Variants in MBD5 observed in about 807,000 individuals in gnomAD.
MBD5 encodes methyl-CpG binding domain protein 5.
Under a neutral mutation model 117.3 loss-of-function variants are expected in MBD5, and 13 were observed. That is an observed-to-expected ratio of 0.11 (90% CI 0.07 to 0.18). The LOEUF (loss-of-function observed/expected upper bound fraction) is 0.18. Ranked by LOEUF, MBD5 falls within the 10% of genes least tolerant of loss-of-function variation. The pLI is 1.00. For synonymous variants in MBD5, 727 were observed against 766.4 expected, an observed-to-expected ratio of 0.95 and a Z score of 0.85; for missense variants, 1,879 against 2,093.8, an observed-to-expected ratio of 0.90 and a Z score of 2.00.
At chr2:148,050,365 T>C (rs1004753810) in intron 1 of MBD5, among the ~76,000 whole-genome samples, 1 of 152,214 alleles carries the variant, frequency 6.6e-6, no homozygotes, top group Non-Finnish European at 1.5e-5. Flanking sequence ...TTTTCCATTT[T>C]AGAGAAATGA....
intron 1 of MBD5, among the ~76,000 whole-genome samples, chr2:148,140,523 C>T (rs1403425046): frequency 2.0e-5 from 3 of 152,130 alleles, no homozygotes; most frequent in African/African-American, 7.2e-5. Flanking sequence ...TACTCAAATA[C>T]TGTTTCTTAT....
chr2:148,484,081 A>T lies in MBD5; in HGVS notation c.3490A>T (p.Ser1164Cys), dbSNP rs1162717173. 21 of 1,544,716 alleles carry T rather than the reference A, an allele frequency of 1.4e-5. No individual in the cohort carries two copies. Among genetic ancestry groups the T allele is most frequent in the East Asian group, 7.3e-5 (3 of 40,916 alleles). ...TACACCTGGTCCAGCTAAACTCAACAGTAACTCTGTGGTGCCACAGCTACT... is the reference window on the plus strand; with the variant it reads ...TACACCTGGTCCAGCTAAACTCAACTGTAACTCTGTGGTGCCACAGCTACT... ...GNTPGPAKLN[S>C]NSVVPQLLNP... The change falls in exon 9 of 14, where the codon AGT becomes TGT. Residue 1164 changes from serine to cysteine, a missense_variant. By Grantham distance (112) the Ser-to-Cys change is moderately radical. Around this residue, in one of 4 missense-constraint regions of MBD5, gnomAD observed 1,666 missense variants for 1,792.2 expected, o/e 0.93. Transcript: ENST00000642680.
At chr2:148,384,798 A>G (rs1574362881) in intron 4 of MBD5, among the ~76,000 whole-genome samples, 2 of 152,220 alleles carry the variant, frequency 1.3e-5, no homozygotes, top group African/African-American at 4.8e-5. Flanking sequence ...AGCCCTCAGA[A>G]GTAATGCCAC....
At chr2:148,483,008 A>C in intron 8 of MBD5, 102 bp from the exon 9 acceptor site, 2 of 1,336,922 alleles carry the variant, frequency 1.5e-6, no homozygotes, top group Non-Finnish European at 2.1e-6. Flanking sequence ...GGTGCCATGG[A>C]ACAAATAAAT....
chr2:148,102,372 T>TA (rs1696237917), intron 1 of MBD5, among the ~76,000 whole-genome samples: 1 of 152,194 alleles, frequency 6.6e-6, no homozygotes, highest in Admixed American at 6.5e-5. Context: ...TTACATTTGT[T>TA]ACCTCATTTA....
chr2:148,398,802 T>G (rs1234707717), intron 4 of MBD5, among the ~76,000 whole-genome samples: 1 of 152,242 alleles, frequency 6.6e-6, no homozygotes, highest in African/African-American at 2.4e-5. Context: ...CATGTAAGTC[T>G]TTAATCTATC....
At chr2:148,075,826 A>G (rs1380945957) in intron 1 of MBD5, among the ~76,000 whole-genome samples, 2 of 152,166 alleles carry the variant, frequency 1.3e-5, no homozygotes, top group African/African-American at 4.8e-5. Flanking sequence ...TTTATATTGC[A>G]AGAGTTAAAT....
intron 3 of MBD5, among the ~76,000 whole-genome samples, chr2:148,246,888 T>C (rs946982366): frequency 1.3e-5 from 2 of 152,240 alleles, no homozygotes; most frequent in South Asian, 4.2e-4. Flanking sequence ...TTATAGATCA[T>C]TTGTCTATTA....
At chr2:148,213,086 A>G (rs868861446) in intron 2 of MBD5, among the ~76,000 whole-genome samples, 1 of 152,202 alleles carries the variant, frequency 6.6e-6, no homozygotes, top group Non-Finnish European at 1.5e-5. Context: ...CTTTGAAAGC[A>G]GGAACTGCCG....
chr2:148,306,541 GA>G (rs1249620619), intron 3 of MBD5, among the ~76,000 whole-genome samples: 1 of 152,002 alleles, frequency 6.6e-6, no homozygotes, highest in Non-Finnish European at 1.5e-5. Flanking sequence ...TAGGCAGGGA[GA>G]AAAAAATAAA....
At chr2:148,298,797 A>G (rs1701714737) in intron 3 of MBD5, among the ~76,000 whole-genome samples, 1 of 152,250 alleles carries the variant, frequency 6.6e-6, no homozygotes, top group Non-Finnish European at 1.5e-5. Context: ...ATATATCAAT[A>G]TTGTATGTAT....
At chr2:148,466,900 T>C (rs1707281072) in intron 7 of MBD5, among the ~76,000 whole-genome samples, 1 of 152,196 alleles carries the variant, frequency 6.6e-6, no homozygotes. Context: ...ATCTCAGTAA[T>C]TGTTATGATA....
chr2:148,059,156 T>C (rs944527564), intron 1 of MBD5, among the ~76,000 whole-genome samples: 1 of 152,350 alleles, frequency 6.6e-6, no homozygotes, highest in Non-Finnish European at 1.5e-5. Context: ...GATATTTGCT[T>C]ATATTAAAAG....
intron 1 of MBD5, among the ~76,000 whole-genome samples, chr2:148,066,201 A>G (rs1695188091): frequency 6.6e-6 from 1 of 152,016 alleles, no homozygotes; most frequent in South Asian, 2.1e-4. Flanking sequence ...AGCTACTTGG[A>G]AGGCTGAGGT....
At chr2:148,367,252 G>A (rs184285939) in intron 4 of MBD5, among the ~76,000 whole-genome samples, 131 of 152,250 alleles carry the variant, frequency 8.6e-4, no homozygotes, top group African/African-American at 1.7e-3. Context: ...AATAAATGGC[G>A]TTGGGAAAAC....
chr2:148,268,124 A>C (rs1481060465), intron 3 of MBD5, among the ~76,000 whole-genome samples: 1 of 151,098 alleles, frequency 6.6e-6, no homozygotes, highest in African/African-American at 2.4e-5. Flanking sequence ...TAGTTTTTGT[A>C]TTTTTTTGTA....
chr2:148,253,469 A>G (rs1700512055), intron 3 of MBD5, among the ~76,000 whole-genome samples: 1 of 152,212 alleles, frequency 6.6e-6, no homozygotes, highest in Non-Finnish European at 1.5e-5. Flanking sequence ...GTGAGGGCAT[A>G]TACAGGCATA....
At chr2:148,051,173 T>G (rs921403967) in intron 1 of MBD5, among the ~76,000 whole-genome samples, 2 of 152,198 alleles carry the variant, frequency 1.3e-5, no homozygotes, top group African/African-American at 4.8e-5. Context: ...TTTATTCCAT[T>G]TAATGCTATT....
intron 1 of MBD5, among the ~76,000 whole-genome samples, chr2:148,127,554 A>C (rs1298151726): frequency 6.6e-6 from 1 of 152,154 alleles, no homozygotes; most frequent in Non-Finnish European, 1.5e-5. Context: ...GTCCCTGCAA[A>C]GGACATGATC....
Sources: allele counts gnomAD v4.1 joint callset (sites outside exome capture counted in the v4.1 genomes callset), GRCh38; gene constraint gnomAD v4.1.1; regional missense constraint gnomAD v4.1.1; transcripts MANE v1.5; gene names NCBI Gene and HGNC (gene_info 2026-07-23, HGNC 2026-07-21).